Variants in CEP128 observed in about 807,000 individuals in gnomAD.
CEP128 encodes centrosomal protein 128kDa.
A neutral mutation model predicts 156.7 loss-of-function variants in CEP128; 132 were observed. The observed-to-expected ratio is 0.84, with a 90% CI of 0.73 to 0.97. CEP128 has a LOEUF of 0.97. Among genes scored for constraint, CEP128 ranks in the 50% least tolerant of loss-of-function variants. CEP128 has a pLI of 0.00. For missense variants in CEP128, 1,252 were observed against 1,281.9 expected (o/e 0.98, Z 0.36); for synonymous variants, 469 against 448.9 (o/e 1.04, Z -0.57).
At chr14:80,920,299 T>C (rs1884786493) in intron 2 of CEP128, among the ~76,000 whole-genome samples, 1 of 152,026 alleles carries the variant, frequency 6.6e-6, no homozygotes, top group Admixed American at 6.5e-5. Context: ...GACACAGGAC[T>C]GATGGAGAGA....
chr14:80,744,889 C>A (rs162176), intron 18 of CEP128, among the ~76,000 whole-genome samples: 2,041 of 152,256 alleles, frequency 0.013, 53 homozygotes, highest in African/African-American at 0.047. Context: ...ACTGGGGTCC[C>A]AACTGCCATT....
chr14:80,761,588 T>C lies in CEP128; in HGVS notation c.2402A>G (p.Glu801Gly). 6.2e-7 allele frequency: 1 copy of C among 1,608,624 alleles called. No homozygotes were observed. Among genetic ancestry groups the C allele is most frequent in the Non-Finnish European group, 8.5e-7 (1 of 1,176,612 alleles). Residue 801 changes from glutamate (E) to glycine (G), a missense_variant, in exon 17 of 25, where the codon GAG becomes GGG. Coordinates refer to ENST00000555265, the MANE Select transcript of CEP128 (RefSeq NM_152446.5). ...GGCCTCTTCCATCCTCCTTAAGTGC[T>C]CCTCTTCAATGCTTATATGTTTTTC... Reference protein sequence around the residue: ...EREKHISIEEEHLRRMEEARL... With the variant: ...EREKHISIEEGHLRRMEEARL...
chr14:80,868,974 A>G (rs1887903349), intron 8 of CEP128, among the ~76,000 whole-genome samples: 1 of 152,118 alleles, frequency 6.6e-6, no homozygotes, highest in Non-Finnish European at 1.5e-5. Flanking sequence ...GCACCTAATC[A>G]GAGCACCTAA....
chr14:80,938,596 A>G (rs1319853419), intron 2 of CEP128, among the ~76,000 whole-genome samples: 1 of 152,130 alleles, frequency 6.6e-6, no homozygotes. Flanking sequence ...TCTATGTTTC[A>G]GAGCCTTTTA....
intron 22 of CEP128, among the ~76,000 whole-genome samples, chr14:80,528,744 C>T (rs1889094071): frequency 6.6e-6 from 1 of 152,182 alleles, no homozygotes; most frequent in Admixed American, 6.5e-5. Context: ...TGTTCAGGTG[C>T]CTCATCAGAT....
intron 4 of CEP128, 33 bp downstream of exon 4, chr14:80,914,289 T>A: frequency 6.6e-7 from 1 of 1,519,082 alleles, no homozygotes; most frequent in South Asian, 1.1e-5. Context: ...AAAAGGTGGG[T>A]AGGAGAAAAT....
At chr14:80,811,912 T>C (rs1449386347) in intron 13 of CEP128, among the ~76,000 whole-genome samples, 2 of 152,160 alleles carry the variant, frequency 1.3e-5, no homozygotes, top group Non-Finnish European at 2.9e-5. Flanking sequence ...CCACAAGATT[T>C]ATGTTTTTAA....
At chr14:80,515,637 T>C (rs555930009) in intron 23 of CEP128, among the ~76,000 whole-genome samples, 136 of 152,320 alleles carry the variant, frequency 8.9e-4, no homozygotes, top group Non-Finnish European at 1.4e-3. Context: ...GGTCTAGGAC[T>C]GGTCCAGAAA....
intron 23 of CEP128, among the ~76,000 whole-genome samples, chr14:80,521,557 G>T (rs1261151577): frequency 2.0e-5 from 3 of 152,156 alleles, no homozygotes; most frequent in Admixed American, 2.0e-4. Flanking sequence ...AAATTGACTA[G>T]TTAAATATGG....
intron 21 of CEP128, among the ~76,000 whole-genome samples, chr14:80,542,487 G>A (rs1435074395): frequency 6.6e-6 from 1 of 152,110 alleles, no homozygotes; most frequent in Non-Finnish European, 1.5e-5. Context: ...ACAAAAAACA[G>A]AACTGAAAGA....
intron 19 of CEP128, among the ~76,000 whole-genome samples, chr14:80,611,743 G>T (rs1348682370): frequency 1.3e-5 from 2 of 152,120 alleles, no homozygotes; most frequent in Non-Finnish European, 2.9e-5. Flanking sequence ...AAACATAAGA[G>T]AAACCAGTAA....
At chr14:80,938,246 T>TTTTTTC (rs1885937201) in intron 2 of CEP128, among the ~76,000 whole-genome samples, 1 of 24,198 alleles carries the variant, frequency 4.1e-5, no homozygotes, top group African/African-American at 1.8e-4. Context: ...AGTGTTAGTA[T>TTTTTTC]TTTTTTTTTT....
chr14:80,930,934 G>A (rs186126672), intron 2 of CEP128, among the ~76,000 whole-genome samples: 1 of 152,296 alleles, frequency 6.6e-6, no homozygotes. Context: ...TCAAAAGGTG[G>A]CACGTGTTCC....
At chr14:80,860,065 A>G (rs1263360256) in intron 9 of CEP128, among the ~76,000 whole-genome samples, 1 of 152,182 alleles carries the variant, frequency 6.6e-6, no homozygotes, top group Non-Finnish European at 1.5e-5. Flanking sequence ...ACAGGAAAAA[A>G]ATGCATCAAT....
chr14:80,882,214 C>A (rs1450994172), intron 8 of CEP128, among the ~76,000 whole-genome samples: 2 of 151,794 alleles, frequency 1.3e-5, no homozygotes, highest in Non-Finnish European at 2.9e-5. Flanking sequence ...GAAGATCAAA[C>A]AACTCTATCA....
Position 80,741,941 on chromosome 14 carries a change from CTTTGTT to C in CEP128, c.2806+1128_2806+1133del, listed in dbSNP as rs534153273. Among the ~76,000 whole-genome samples the C allele has an allele frequency of 1.6e-3, 244 of 152,150 alleles. 1 individual carries two copies. The highest frequency in any genetic ancestry group is 2.5e-3 in the Non-Finnish European group (171 of 67,976). ...TCGTATTTTCCTTATGGAAATCTTG[CTTTGTT>C]TTTAAGATCTAAATAAAGTGACATG... is the stretch of plus-strand genomic sequence containing the variant. On this transcript the variant is annotated intron_variant, in intron 19 of 24. Transcript: ENST00000555265.
At chr14:80,545,494 T>C (rs946359947) in intron 21 of CEP128, among the ~76,000 whole-genome samples, 10 of 152,210 alleles carry the variant, frequency 6.6e-5, no homozygotes, top group African/African-American at 1.4e-4. Context: ...AGTCAATTTG[T>C]TGTAATTTGT....
intron 15 of CEP128, among the ~76,000 whole-genome samples, chr14:80,782,135 C>T (rs1901154705): frequency 6.6e-6 from 1 of 152,232 alleles, no homozygotes; most frequent in African/African-American, 2.4e-5. Flanking sequence ...ACCTTGCTGG[C>T]AACAGCTGAC....
At chr14:80,872,791 A>G (rs550156860) in intron 8 of CEP128, among the ~76,000 whole-genome samples, 1 of 152,356 alleles carries the variant, frequency 6.6e-6, no homozygotes, top group African/African-American at 2.4e-5. Flanking sequence ...TACATCGACC[A>G]GTTATAAAAC....
Sources: allele counts gnomAD v4.1 joint callset (sites outside exome capture counted in the v4.1 genomes callset), GRCh38; gene constraint gnomAD v4.1.1; transcripts MANE v1.5; gene names NCBI Gene and HGNC (gene_info 2026-07-23, HGNC 2026-07-21).